Variants in PCDH9 observed in about 807,000 individuals in gnomAD.
The protein encoded by PCDH9 is protocadherin-9.
PCDH9 carries 24 observed loss-of-function variants against 70.6 expected under a neutral mutation model. The ratio of observed to expected loss-of-function variants is 0.34; its 90% CI spans 0.25 to 0.48. The LOEUF is 0.48. Among genes scored for constraint, PCDH9 ranks in the 20% least tolerant of loss-of-function variants. The pLI is 0.99. For synonymous variants in PCDH9, 562 were observed against 558.5 expected (o/e 1.01, Z -0.09); for missense variants, 1,281 against 1,503.6 (o/e 0.85, Z 2.45).
rs756365307 is a variant in PCDH9 at position 67,226,990 on chromosome 13, C to G, written c.1451G>C (p.Arg484Pro). 3 of 1,614,056 alleles carry G rather than the reference C, an allele frequency of 1.9e-6. No homozygotes were observed. The highest frequency in any genetic ancestry group is 1.3e-5 in the African/African-American group (1 of 74,916). ...ACTAATAGTTGTTAAGTATAACCCA[C>G]GTCGGTTGTTTTCAGAAACTGACAG... ...IELSVSENNR[R>P]GLYLTTISAT... Residue 484 changes from arginine to proline, a missense_variant, in exon 2 of 5, where the codon CGT (arginine) becomes CCT (proline). Coordinates refer to ENST00000377865, the MANE Select transcript of PCDH9 (RefSeq NM_203487.3). The surrounding 1 kb of genome is among the most constrained non-coding windows in gnomAD (Gnocchi z 5.0).
chr13:66,780,585 C>T (rs1431413115), intron 3 of PCDH9, among the ~76,000 whole-genome samples: 1 of 152,154 alleles, frequency 6.6e-6, no homozygotes, highest in Non-Finnish European at 1.5e-5. Flanking sequence ...TTTTCAGTGA[C>T]TTTCAAGACC....
chr13:67,089,978 G>A (rs2086185470), intron 2 of PCDH9, among the ~76,000 whole-genome samples: 1 of 151,758 alleles, frequency 6.6e-6, no homozygotes, highest in Non-Finnish European at 1.5e-5. Context: ...TTCTTAATTG[G>A]TTTTGCAAGT....
intron 3 of PCDH9, among the ~76,000 whole-genome samples, chr13:66,700,919 TATAA>T (rs1443292644): frequency 0.075 from 4,221 of 56,196 alleles, 415 homozygotes; most frequent in East Asian, 0.17. Context: ...TGTGTGTACA[TATAA>T]ATATATATAT....
chr13:66,449,481 G>C (rs1211798536), intron 4 of PCDH9, among the ~76,000 whole-genome samples: 1 of 152,052 alleles, frequency 6.6e-6, no homozygotes, highest in Non-Finnish European at 1.5e-5. Flanking sequence ...GCCACTCTTA[G>C]CTTTAGGACT....
chr13:67,006,282 C>T lies in PCDH9; in HGVS notation c.3037-102677G>A, dbSNP rs184278576. On this transcript the variant is annotated intron_variant, in intron 2 of 4. Coordinates refer to ENST00000377865, the MANE Select transcript of PCDH9 (RefSeq NM_203487.3). ...CTTATAAGGAGAAATATTGTTATAACACCCTAAGTCCAAGACCTAAAAGAA... is the reference window on the plus strand; with the variant it reads ...CTTATAAGGAGAAATATTGTTATAATACCCTAAGTCCAAGACCTAAAAGAA... 1.1e-4 allele frequency among the ~76,000 whole-genome samples: 17 copies of T among 152,230 alleles called. No individual in the cohort carries two copies. In the East Asian group the frequency reaches 1.5e-3, roughly 14 times the overall value.
intron 2 of PCDH9, among the ~76,000 whole-genome samples, chr13:67,090,376 A>G (rs2086193877): frequency 6.6e-6 from 1 of 152,050 alleles, no homozygotes; most frequent in Non-Finnish European, 1.5e-5. Context: ...TTTGGATACT[A>G]GTGTAAAATT....
intron 3 of PCDH9, among the ~76,000 whole-genome samples, chr13:66,761,846 A>T (rs1270768643): frequency 6.6e-6 from 1 of 152,024 alleles, no homozygotes; most frequent in Non-Finnish European, 1.5e-5. Flanking sequence ...TTTTGAATTT[A>T]TTATCAGGCA....
At chr13:66,367,204 A>G (rs1956567439) in intron 4 of PCDH9, among the ~76,000 whole-genome samples, 1 of 152,090 alleles carries the variant, frequency 6.6e-6, no homozygotes, top group South Asian at 2.1e-4. Flanking sequence ...CTTCACCTTC[A>G]GCAACATTTT....
intron 4 of PCDH9, among the ~76,000 whole-genome samples, chr13:66,400,846 GA>G (rs1957172307): frequency 6.6e-6 from 1 of 152,134 alleles, no homozygotes; most frequent in South Asian, 2.1e-4. Flanking sequence ...TAGTCTAGTG[GA>G]TTCCAAGACT....
chr13:67,225,264 T>C (rs1832935616), intron 2 of PCDH9, 141 bp downstream of exon 2: 5 of 1,270,590 alleles, frequency 3.9e-6, no homozygotes, highest in East Asian at 2.4e-5. Flanking sequence ...CCCAGAGGAA[T>C]AGAAAAGGGG....
At chr13:66,916,577 A>T (rs1045280497) in intron 2 of PCDH9, among the ~76,000 whole-genome samples, 21 of 151,574 alleles carry the variant, frequency 1.4e-4, no homozygotes, top group African/African-American at 5.1e-4. Context: ...ACTCTAATAA[A>T]ATGTATGTGA....
chr13:67,056,807 A>T (rs2085429111), intron 2 of PCDH9, among the ~76,000 whole-genome samples: 1 of 152,100 alleles, frequency 6.6e-6, no homozygotes, highest in Non-Finnish European at 1.5e-5. Flanking sequence ...CATCATCATG[A>T]TCATCATCCT....
At chr13:67,158,998 G>T (rs1407045502) in intron 2 of PCDH9, among the ~76,000 whole-genome samples, 2 of 152,098 alleles carry the variant, frequency 1.3e-5, no homozygotes, top group Non-Finnish European at 2.9e-5. Context: ...CCTATCCACA[G>T]ACAATTAGCC....
intron 2 of PCDH9, among the ~76,000 whole-genome samples, chr13:66,962,071 A>G (rs971588670): frequency 6.6e-6 from 1 of 150,900 alleles, no homozygotes; most frequent in Non-Finnish European, 1.5e-5. Context: ...AAACAAAACA[A>G]AAAAAAAAGA....
chr13:67,064,398 T>A (rs1295262433), intron 2 of PCDH9, among the ~76,000 whole-genome samples: 3 of 152,134 alleles, frequency 2.0e-5, no homozygotes, highest in African/African-American at 7.2e-5. Flanking sequence ...CTAAAATATT[T>A]TCTAGATTTA....
At chr13:66,626,988 T>TGTGTGTGTGTG (rs1566465653) in intron 4 of PCDH9, among the ~76,000 whole-genome samples, 4 of 143,508 alleles carry the variant, frequency 2.8e-5, no homozygotes, top group Non-Finnish European at 6.1e-5. Context: ...TGTGTGTGTG[T>TGTGTGTGTGTG]TTAGAAGCAA....
Position 66,304,485 on chromosome 13 carries a change from C to A in PCDH9, c.*170G>T. 1.5e-5 allele frequency: 8 copies of A among 550,472 alleles called. No individual in the cohort carries two copies. The highest frequency in any genetic ancestry group is 2.3e-5 in the Non-Finnish European group (7 of 309,912). 34.1% of individuals were successfully genotyped at this position (550,472 alleles called of 1,614,324 possible). A position where few individuals can be genotyped will look rare whatever the true frequency, so the allele number is the denominator to read the frequency against. ...AACAAAATTGCATGGCTAGAACTAT[C>A]TTCTCTCATATGTTGCAAAAACATT... On this transcript the variant is annotated 3_prime_UTR_variant, in exon 5 of 5. Coordinates refer to ENST00000377865, the MANE Select transcript of PCDH9 (RefSeq NM_203487.3).
intron 4 of PCDH9, among the ~76,000 whole-genome samples, chr13:66,530,540 G>C (rs969690606): frequency 6.6e-6 from 1 of 151,496 alleles, no homozygotes; most frequent in African/African-American, 2.4e-5. Flanking sequence ...AAGATAATAG[G>C]TCTGCCATCC....
At chr13:66,687,320 G>A (rs571356360) in intron 3 of PCDH9, among the ~76,000 whole-genome samples, 1 of 152,142 alleles carries the variant, frequency 6.6e-6, no homozygotes, top group South Asian at 2.1e-4. Context: ...TTAAACTTCT[G>A]CTTCATCAAT....
Sources: gnomAD v4.1 joint callset for allele counts (sites outside exome capture counted in the v4.1 genomes callset) on GRCh38, gnomAD v4.1.1 for gene constraint, Gnocchi (gnomAD v3.1) non-coding constraint, MANE v1.5 for transcripts, NCBI Gene and HGNC (gene_info 2026-07-23, HGNC 2026-07-21) for gene names.